Variants in MSRA observed in about 807,000 individuals in gnomAD.
MSRA encodes the protein mitochondrial peptide methionine sulfoxide reductase.
A neutral mutation model predicts 31.3 loss-of-function variants in MSRA; 54 were observed. That is an observed-to-expected ratio of 1.73 (90% CI 1.39 to 2.17). The LOEUF (loss-of-function observed/expected upper bound fraction) is 2.17. MSRA is among the 30% of genes most tolerant of loss of function. The pLI, the probability that MSRA is intolerant of heterozygous loss-of-function variation, is 0.00. For synonymous variants in MSRA, 169 were observed against 116.5 expected (o/e 1.45, Z -2.90); for missense variants, 507 against 300.9 (o/e 1.69, Z -5.07).
chr8:10,345,040 C>T (rs769548662), intron 5 of MSRA, among the ~76,000 whole-genome samples: 1 of 152,128 alleles, frequency 6.6e-6, no homozygotes, highest in Non-Finnish European at 1.5e-5. Flanking sequence ...CTGTCTGGAT[C>T]TCTCTCTCTT....
intron 3 of MSRA, among the ~76,000 whole-genome samples, chr8:10,296,814 G>A (rs974021342): frequency 3.3e-5 from 5 of 152,132 alleles, no homozygotes; most frequent in Non-Finnish European, 7.3e-5. Flanking sequence ...ACCCCGCCAA[G>A]GTCATGCACC....
Position 10,356,437 on chromosome 8 carries a change from A to G in MSRA, c.543+36448A>G, listed in dbSNP as rs190077724. On this transcript the variant is annotated intron_variant, in intron 5 of 5. Transcript: ENST00000317173. ...TCTGCCCCACCCCAGTTACAGCTTT[A>G]CAGCTCCTCACCCTTCCCAATTCTT... Among the ~76,000 whole-genome samples the G allele has an allele frequency of 4.2e-3, 641 of 152,292 alleles. 1 individual carries two copies. The highest frequency in any genetic ancestry group is 0.014 in the African/African-American group (600 of 41,554).
chr8:10,155,080 A>G (rs1442875313), intron 1 of MSRA, among the ~76,000 whole-genome samples: 2 of 151,346 alleles, frequency 1.3e-5, no homozygotes, highest in East Asian at 3.9e-4. Flanking sequence ...ATCATTAAAA[A>G]TTTTTTATTG....
At chr8:10,156,139 G>A (rs771927936) in intron 1 of MSRA, among the ~76,000 whole-genome samples, 1 of 152,158 alleles carries the variant, frequency 6.6e-6, no homozygotes, top group Non-Finnish European at 1.5e-5. Context: ...TGCAGGAACT[G>A]TTTCAGATTA....
intron 5 of MSRA, among the ~76,000 whole-genome samples, chr8:10,375,964 G>A (rs534491301): frequency 3.3e-5 from 5 of 152,298 alleles, no homozygotes; most frequent in East Asian, 1.9e-4. Flanking sequence ...GGAGGAAGGC[G>A]TGATTACTAA....
intron 1 of MSRA, among the ~76,000 whole-genome samples, chr8:10,127,853 A>G (rs1801610785): frequency 6.6e-6 from 1 of 152,110 alleles, no homozygotes; most frequent in South Asian, 2.1e-4. Context: ...TGAAACTTCA[A>G]GTATTTTTTT....
intron 2 of MSRA, among the ~76,000 whole-genome samples, chr8:10,215,824 C>T (rs892509961): frequency 6.6e-6 from 1 of 152,182 alleles, no homozygotes; most frequent in Non-Finnish European, 1.5e-5. Context: ...TGTACAGCAA[C>T]CACCCACTTG....
intron 1 of MSRA, among the ~76,000 whole-genome samples, chr8:10,107,186 C>T (rs144191546): frequency 6.6e-6 from 1 of 151,972 alleles, no homozygotes; most frequent in African/African-American, 2.4e-5. Context: ...CCTTCTTGTC[C>T]CTCTGCAACT....
intron 5 of MSRA, among the ~76,000 whole-genome samples, chr8:10,366,061 C>A (rs1805147327): frequency 6.6e-6 from 1 of 152,218 alleles, no homozygotes. Flanking sequence ...ATCTGCAGGA[C>A]TGGGGACACC....
At chr8:10,360,324 A>G (rs1056987147) in intron 5 of MSRA, among the ~76,000 whole-genome samples, 6 of 152,218 alleles carry the variant, frequency 3.9e-5, no homozygotes, top group Admixed American at 3.9e-4. Flanking sequence ...TCAAAAAAGA[A>G]CAAAAAACAA....
intron 5 of MSRA, among the ~76,000 whole-genome samples, chr8:10,385,097 A>G (rs1223676992): frequency 6.6e-6 from 1 of 152,194 alleles, no homozygotes; most frequent in East Asian, 1.9e-4. Context: ...AATGCAAAGG[A>G]CAAGTGGGAG....
chr8:10,312,550 C>T (rs528867252), intron 4 of MSRA, among the ~76,000 whole-genome samples: 2 of 152,302 alleles, frequency 1.3e-5, no homozygotes, highest in Admixed American at 1.3e-4. Context: ...TGCAGTCCAT[C>T]TTATGATCCT....
chr8:10,237,716 C>T (rs548084901), intron 2 of MSRA, among the ~76,000 whole-genome samples: 2 of 152,312 alleles, frequency 1.3e-5, no homozygotes, highest in Admixed American at 1.3e-4. Context: ...CAGTAATCTT[C>T]GAGTCAGCCA....
At chr8:10,062,434 G>T (rs767030176) in intron 1 of MSRA, among the ~76,000 whole-genome samples, 1 of 152,098 alleles carries the variant, frequency 6.6e-6, no homozygotes, top group Admixed American at 6.5e-5. Flanking sequence ...AATATTCATC[G>T]ATATGTAGCA....
intron 5 of MSRA, among the ~76,000 whole-genome samples, chr8:10,407,450 A>T (rs548285764): frequency 9.8e-4 from 149 of 152,316 alleles, no homozygotes; most frequent in Middle Eastern, 3.4e-3. Context: ...ACCATTCTGG[A>T]TGAACTGTCA....
chr8:10,320,805 T>C (rs1802006238), intron 5 of MSRA, among the ~76,000 whole-genome samples: 1 of 152,240 alleles, frequency 6.6e-6, no homozygotes, highest in South Asian at 2.1e-4. Context: ...TAGATGGCTG[T>C]CTTCTCCATG....
intron 4 of MSRA, among the ~76,000 whole-genome samples, chr8:10,316,568 CT>C (rs1801736426): frequency 1.4e-5 from 2 of 145,970 alleles, no homozygotes; most frequent in South Asian, 2.2e-4. Context: ...CTCTCTCTCT[CT>C]CTCTCCTTCC....
intron 1 of MSRA, among the ~76,000 whole-genome samples, chr8:10,110,710 T>G (rs1364970208): frequency 1.3e-5 from 2 of 152,268 alleles, no homozygotes; most frequent in East Asian, 3.8e-4. Context: ...CCAGGCTGGC[T>G]GACCTGTGCT....
At chr8:10,330,024 G>A (rs887444521) in intron 5 of MSRA, among the ~76,000 whole-genome samples, 1 of 151,320 alleles carries the variant, frequency 6.6e-6, no homozygotes, top group African/African-American at 2.4e-5. Context: ...GTGTGTGTGT[G>A]TGTGTGTGTG....
Sources: allele counts gnomAD v4.1 joint callset (sites outside exome capture counted in the v4.1 genomes callset), GRCh38; gene constraint gnomAD v4.1.1; transcripts MANE v1.5; gene names NCBI Gene and HGNC (gene_info 2026-07-23, HGNC 2026-07-21).